The following HEATR5A variants were observed in gnomAD, a reference collection of about 807,000 sequenced individuals.
The protein encoded by HEATR5A is HEAT repeat containing 5A, also known as HEAT repeat-containing protein 5A.
Under a neutral mutation model 218.8 loss-of-function variants are expected in HEATR5A, and 178 were observed. That is an observed-to-expected ratio of 0.81 (90% CI 0.72 to 0.92). The LOEUF is 0.92. HEATR5A is among the 40% of genes least tolerant of loss of function. The probability of loss-of-function intolerance (pLI) is 0.00; values close to 1 mark genes in which losing one functional copy is unlikely to be tolerated. For missense variants in HEATR5A, 2,420 were observed against 2,418.9 expected (o/e 1.00, Z -0.01); for synonymous variants, 864 against 871.6 (o/e 0.99, Z 0.15).
At chr14:31,319,790 A>G (rs554541696) in intron 25 of HEATR5A, among the ~76,000 whole-genome samples, 2 of 152,330 alleles carry the variant, frequency 1.3e-5, no homozygotes, top group Middle Eastern at 3.4e-3. Flanking sequence ...TCATGCCTGT[A>G]GTCCCAGCAC....
chr14:31,325,983 T>C, intron 23 of HEATR5A, 180 bp downstream of exon 23: 2 of 617,824 alleles, frequency 3.2e-6, no homozygotes. Context: ...ATTTATATTG[T>C]TCAAATTACA....
At chr14:31,318,934 TAA>T (rs1899999850) in intron 25 of HEATR5A, among the ~76,000 whole-genome samples, 3 of 152,160 alleles carry the variant, frequency 2.0e-5, no homozygotes, top group African/African-American at 7.2e-5. Context: ...CCCTGGGTGC[TAA>T]GAGAGCCATC....
intron 12 of HEATR5A, 37 bp downstream of exon 12, chr14:31,374,773 AAAAGCC>A: frequency 6.4e-7 from 1 of 1,562,200 alleles, no homozygotes. Context: ...AGGGTGGGTA[AAAAGCC>A]AAAGGAAAGG....
intron 13 of HEATR5A, among the ~76,000 whole-genome samples, chr14:31,367,568 A>C: frequency 1.2e-5 from 1 of 82,186 alleles, no homozygotes; most frequent in African/African-American, 5.1e-5. Flanking sequence ...ATGCCCAGCT[A>C]ATTTTTTTTT....
At chr14:31,323,887 CA>C in intron 23 of HEATR5A, 83 bp from the exon 24 acceptor site, 1 of 903,636 alleles carries the variant, frequency 1.1e-6, no homozygotes, top group South Asian at 1.8e-5. Context: ...AAAATGACTT[CA>C]AATTCAGACT....
intron 9 of HEATR5A, among the ~76,000 whole-genome samples, chr14:31,384,596 G>C (rs924762570): frequency 6.7e-6 from 1 of 148,604 alleles, no homozygotes; most frequent in Non-Finnish European, 1.5e-5. Context: ...GTGCAATCTT[G>C]GTTCACTGCA....
intron 30 of HEATR5A, 106 bp from the exon 31 acceptor site, chr14:31,306,985 A>G (rs1899574829): frequency 1.1e-6 from 1 of 945,608 alleles, no homozygotes; most frequent in Non-Finnish European, 1.5e-6. Context: ...AACAGAATGT[A>G]ACAAATTGCT....
chr14:31,360,050 T>TA (rs56352246), intron 14 of HEATR5A, among the ~76,000 whole-genome samples: 16,355 of 146,990 alleles, frequency 0.11, 1,178 homozygotes, highest in East Asian at 0.21. Flanking sequence ...TCTCATGTTG[T>TA]AAAAAAAAAA....
chr14:31,397,444 G>A (rs1024501854), intron 4 of HEATR5A, among the ~76,000 whole-genome samples: 2 of 151,870 alleles, frequency 1.3e-5, no homozygotes, highest in Non-Finnish European at 2.9e-5. Context: ...GATCATTTGA[G>A]GTCAGGAGTT....
intron 28 of HEATR5A, 135 bp from the exon 29 acceptor site, chr14:31,309,317 C>A: frequency 1.2e-6 from 1 of 814,726 alleles, no homozygotes; most frequent in East Asian, 2.6e-5. Context: ...TCCCTATACC[C>A]TAAGGCAACT....
rs185964913 is a variant in HEATR5A, at chr14:31,368,544, T to G, written c.1961+3266A>C. ...ACTTTGCAGTAAGGAAGACTTCTTT[T>G]TTTTTGGAACTGGGGTCTCACTCTG... On this transcript the variant is annotated intron_variant, in intron 13 of 35. Transcript: ENST00000543095. 5.9e-4 allele frequency among the ~76,000 whole-genome samples: 90 copies of G among 152,218 alleles called. 1 individual carries two copies. Among genetic ancestry groups the G allele is most frequent in the African/African-American group, 2.1e-3 (89 of 41,538 alleles).
chr14:31,359,977 T>C (rs972652683), intron 14 of HEATR5A, among the ~76,000 whole-genome samples: 3 of 151,828 alleles, frequency 2.0e-5, no homozygotes, highest in African/African-American at 4.8e-5. Flanking sequence ...CATCCATAAA[T>C]ATTTCACCGT....
At chr14:31,343,353 G>A (rs1900905815) in intron 21 of HEATR5A, among the ~76,000 whole-genome samples, 1 of 152,162 alleles carries the variant, frequency 6.6e-6, no homozygotes, top group East Asian at 1.9e-4. Context: ...ACAGGCATGA[G>A]CCACTGCGCC....
intron 1 of HEATR5A, among the ~76,000 whole-genome samples, chr14:31,418,858 A>G (rs759281369): frequency 9.2e-5 from 14 of 152,346 alleles, no homozygotes; most frequent in South Asian, 8.3e-4. Context: ...AAGAAAGACT[A>G]TTATAAACTA....
At chr14:31,341,163 TA>T (rs922717976) in intron 21 of HEATR5A, among the ~76,000 whole-genome samples, 19 of 152,184 alleles carry the variant, frequency 1.2e-4, no homozygotes, top group Admixed American at 1.1e-3. Flanking sequence ...GATTGTGTAT[TA>T]AAAAAATCAT....
At chr14:31,371,236 C>G (rs190068262) in intron 13 of HEATR5A, among the ~76,000 whole-genome samples, 3 of 152,294 alleles carry the variant, frequency 2.0e-5, no homozygotes, top group Admixed American at 1.3e-4. Flanking sequence ...GAAACAGTCA[C>G]AAACCTTTGC....
chr14:31,406,602 G>A (rs984044374), intron 1 of HEATR5A, among the ~76,000 whole-genome samples: 2 of 152,142 alleles, frequency 1.3e-5, no homozygotes, highest in African/African-American at 4.8e-5. Flanking sequence ...CTTCAGATAA[G>A]ATTTGTTTTA....
intron 22 of HEATR5A, among the ~76,000 whole-genome samples, chr14:31,335,806 A>C (rs527237440): frequency 6.6e-6 from 1 of 152,090 alleles, no homozygotes; most frequent in South Asian, 2.1e-4. Context: ...GGCGCATGCC[A>C]CCACACAGAT....
Position 31,313,170 on chromosome 14 carries a change from T to C in HEATR5A, c.4239A>G (p.Gln1413=). ...AAGGTTGTCTGTGGTTTTTATGTCTTTGCACAGCAATTATGTAGACCTGTT... is the reference window on the plus strand; with the variant it reads ...AAGGTTGTCTGTGGTTTTTATGTCTCTGCACAGCAATTATGTAGACCTGTT... ...AWAEVYIIAV[Q]RHKNHRQPLK... The change falls in exon 28 of 36, where the codon CAA becomes CAG. Residue 1413 remains glutamine (Q), a synonymous_variant. Coordinates refer to ENST00000543095, the MANE Select transcript of HEATR5A (RefSeq NM_015473.4). 1 of 1,613,238 alleles carries C rather than the reference T, an allele frequency of 6.2e-7. No homozygotes were observed. The highest frequency in any genetic ancestry group is 8.5e-7 in the Non-Finnish European group (1 of 1,179,194).
Sources: gnomAD v4.1 joint callset for allele counts (sites outside exome capture counted in the v4.1 genomes callset) on GRCh38, gnomAD v4.1.1 for gene constraint, MANE v1.5 for transcripts, NCBI Gene and HGNC (gene_info 2026-07-23, HGNC 2026-07-21) for gene names.